EYS: variants seen among roughly 807,000 people sequenced by gnomAD.
EYS encodes EGF-like photoreceptor maintenance factor, also known as protein eyes shut homolog.
EYS carries 250 observed loss-of-function variants against 282.1 expected under a neutral mutation model. The observed-to-expected ratio is 0.89, with a 90% CI of 0.80 to 0.98. The LOEUF is 0.98. Ranked by LOEUF, EYS falls within the 50% of genes least tolerant of loss-of-function variation. The probability of loss-of-function intolerance (pLI) is 0.00; values close to 1 mark genes in which losing one functional copy is unlikely to be tolerated. For missense variants in EYS, 4,016 were observed against 3,709.0 expected, an observed-to-expected ratio of 1.08 and a Z score of -2.15; for synonymous variants, 1,355 against 1,282.9, an observed-to-expected ratio of 1.06 and a Z score of -1.20.
intron 35 of EYS, among the ~76,000 whole-genome samples, chr6:63,913,241 C>T (rs567946393): frequency 1.5e-4 from 23 of 152,264 alleles, no homozygotes; most frequent in African/African-American, 4.8e-4. Flanking sequence ...TTCCTTTCCC[C>T]ATCCATAAGA....
intron 7 of EYS, among the ~76,000 whole-genome samples, chr6:65,389,995 T>C (rs982214457): frequency 5.3e-5 from 8 of 152,036 alleles, no homozygotes; most frequent in African/African-American, 1.9e-4. Context: ...TGTTGCTTTT[T>C]TAAAAATTTA....
At chr6:64,242,849 AATT>A (rs1334853675) in intron 30 of EYS, among the ~76,000 whole-genome samples, 1 of 147,222 alleles carries the variant, frequency 6.8e-6, no homozygotes, top group African/African-American at 2.5e-5. Context: ...AATATATAAA[AATT>A]ATAACATGAA....
intron 12 of EYS, among the ~76,000 whole-genome samples, chr6:65,244,128 G>A (rs1271985797): frequency 6.6e-6 from 1 of 152,146 alleles, no homozygotes; most frequent in African/African-American, 2.4e-5. Flanking sequence ...TAAGGGGCTT[G>A]GAGATTTTCC....
intron 14 of EYS, among the ~76,000 whole-genome samples, chr6:64,986,019 TTGATTTATCA>T (rs1770847307): frequency 6.6e-6 from 1 of 151,530 alleles, no homozygotes; most frequent in South Asian, 2.1e-4. Flanking sequence ...AGACCAAGTT[TTGATTTATCA>T]TTATCATATG....
chr6:65,605,670 TG>T (rs1336031695), intron 2 of EYS, among the ~76,000 whole-genome samples: 1 of 151,838 alleles, frequency 6.6e-6, no homozygotes, highest in African/African-American at 2.4e-5. Context: ...TAAATACATT[TG>T]GTATAAATAA....
chr6:64,293,606 GT>G (rs913435611), intron 30 of EYS, among the ~76,000 whole-genome samples: 6 of 152,044 alleles, frequency 3.9e-5, no homozygotes, highest in African/African-American at 7.2e-5. Flanking sequence ...GTAAGATGGT[GT>G]TTGGATATAA....
intron 12 of EYS, among the ~76,000 whole-genome samples, chr6:65,072,355 A>T (rs1272965121): frequency 6.6e-6 from 1 of 151,550 alleles, no homozygotes; most frequent in Non-Finnish European, 1.5e-5. Flanking sequence ...CACCAGAACA[A>T]TAAACAAACA....
At chr6:63,804,442 A>C (rs978007935) in intron 37 of EYS, among the ~76,000 whole-genome samples, 4 of 152,362 alleles carry the variant, frequency 2.6e-5, no homozygotes, top group Admixed American at 1.3e-4. Flanking sequence ...GACATTAAGT[A>C]ACTTGACACA....
rs773787347 is a variant in EYS, at chr6:65,404,754, G to A, written c.1056+420C>T. ...AGTGTTAGTAACAAAAAGTTTAGGA[G>A]GTTGGAAAAATAATCTCTTAAGGTT... is the stretch of plus-strand genomic sequence containing the variant. On this transcript the variant is annotated intron_variant, in intron 6 of 42. Coordinates refer to ENST00000503581, the MANE Select transcript of EYS (RefSeq NM_001142800.2). 5.3e-5 allele frequency among the ~76,000 whole-genome samples: 8 copies of A among 151,828 alleles called. No homozygotes were observed. The East Asian group carries it at 5.8e-4, about 11-fold the overall frequency.
At chr6:63,991,995 A>G (rs1767626550) in intron 34 of EYS, among the ~76,000 whole-genome samples, 1 of 151,840 alleles carries the variant, frequency 6.6e-6, no homozygotes, top group Non-Finnish European at 1.5e-5. Flanking sequence ...TGTATTTGCC[A>G]AAACTGTCCT....
chr6:64,612,189 G>A (rs567391417), intron 24 of EYS, among the ~76,000 whole-genome samples: 146 of 152,090 alleles, frequency 9.6e-4, no homozygotes, highest in Non-Finnish European at 1.5e-3. Flanking sequence ...TCAGAAAATA[G>A]TTTCTCCATT....
chr6:64,693,108 A>G (rs1272259717), intron 22 of EYS, among the ~76,000 whole-genome samples: 2 of 151,064 alleles, frequency 1.3e-5, no homozygotes, highest in African/African-American at 2.4e-5. Context: ...TAAATTTAAG[A>G]AAAATGTAAA....
chr6:65,076,229 T>C (rs960888779), intron 12 of EYS, among the ~76,000 whole-genome samples: 2 of 152,030 alleles, frequency 1.3e-5, no homozygotes, highest in African/African-American at 4.8e-5. Context: ...TGTGGCATTT[T>C]AAGAATCTTG....
At chr6:64,275,578 G>A (rs1180210867) in intron 30 of EYS, among the ~76,000 whole-genome samples, 2 of 150,778 alleles carry the variant, frequency 1.3e-5, no homozygotes, top group African/African-American at 2.4e-5. Flanking sequence ...CACCACGCCC[G>A]GCTAATTTTT....
intron 22 of EYS, among the ~76,000 whole-genome samples, chr6:64,721,541 C>T (rs78947624): frequency 0.019 from 2,879 of 152,194 alleles, 110 homozygotes; most frequent in African/African-American, 0.065. Context: ...GTGGGGCACT[C>T]TTACATCAGT....
At chr6:64,274,172 C>T (rs1044022216) in intron 30 of EYS, among the ~76,000 whole-genome samples, 3 of 152,146 alleles carry the variant, frequency 2.0e-5, no homozygotes, top group African/African-American at 7.2e-5. Flanking sequence ...CTACTCCCTC[C>T]ATTCATTTAT....
At chr6:64,115,118 G>A (rs1404878310) in intron 31 of EYS, among the ~76,000 whole-genome samples, 5 of 152,186 alleles carry the variant, frequency 3.3e-5, no homozygotes, top group Non-Finnish European at 5.9e-5. Context: ...GGACACTGAA[G>A]CTACCTCTGT....
rs575315362 is a variant in EYS at position 65,197,590 on chromosome 6, G to A, written c.2023+98273C>T. The stretch of plus-strand genomic sequence containing the variant: ...TAGTCATATGTCACTTAACAAGGGG[G>A]TATGTTCTGAGAAGTGCATCCTTTA... On this transcript the variant is annotated intron_variant, in intron 12 of 42. Coordinates refer to ENST00000503581, the MANE Select transcript of EYS (RefSeq NM_001142800.2). Among the ~76,000 whole-genome samples, 3 of 152,202 alleles carry A rather than the reference G, an allele frequency of 2.0e-5. No individual in the cohort carries two copies. The South Asian group carries it at 6.2e-4, about 32-fold the overall frequency.
At chr6:64,866,071 A>G (rs900649794) in intron 19 of EYS, among the ~76,000 whole-genome samples, 4 of 151,982 alleles carry the variant, frequency 2.6e-5, no homozygotes, top group Non-Finnish European at 5.9e-5. Flanking sequence ...CTTCTTGTCT[A>G]TTTTTTGATT....
Sources: allele counts gnomAD v4.1 joint callset (sites outside exome capture counted in the v4.1 genomes callset), GRCh38; gene constraint gnomAD v4.1.1; transcripts MANE v1.5; gene names NCBI Gene and HGNC (gene_info 2026-07-23, HGNC 2026-07-21).